The following HRH2 variants were observed in gnomAD, a reference collection of about 807,000 sequenced individuals.
HRH2 encodes histamine H2 receptor.
In HRH2, 4 loss-of-function variants were observed where a neutral mutation model predicts 20.1. The ratio of observed to expected loss-of-function variants is 0.20; its 90% CI spans 0.10 to 0.45. The LOEUF (loss-of-function observed/expected upper bound fraction) is 0.45. HRH2 is among the 20% of genes least tolerant of loss of function. The probability of loss-of-function intolerance (pLI) is 0.99; values close to 1 mark genes in which losing one functional copy is unlikely to be tolerated. For synonymous variants in HRH2, 197 were observed against 200.7 expected, an observed-to-expected ratio of 0.98 and a Z score of 0.16; for missense variants, 250 against 461.6, an observed-to-expected ratio of 0.54 and a Z score of 4.20.
At chr5:175,699,237 G>A (rs1266321062) in intron 2 of HRH2, among the ~76,000 whole-genome samples, 1 of 152,206 alleles carries the variant, frequency 6.6e-6, no homozygotes. Context: ...TTGGTCTCCA[G>A]GTGACTTTCT....
At chr5:175,701,435 C>T (rs2113559286) in intron 2 of HRH2, among the ~76,000 whole-genome samples, 1 of 152,256 alleles carries the variant, frequency 6.6e-6, no homozygotes, top group Non-Finnish European at 1.5e-5. Context: ...GCTCAAATGT[C>T]CTCAGGAATT....
chr5:175,702,191 G>A (rs934756369), intron 2 of HRH2, among the ~76,000 whole-genome samples: 19 of 151,982 alleles, frequency 1.3e-4, no homozygotes, highest in Non-Finnish European at 2.4e-4. Flanking sequence ...AATACAGAAG[G>A]TAGAGATTCC....
In HRH2 at chr5:175,681,671, C is replaced by G. The variant is rs1270677960; in HGVS notation, c.-525-1038C>G. ...CTTTATTGACGTAGTGTTTGCACTACTTCAATAGTGCAAAGGGAGGAAGGG... is the reference window on the plus strand; with the variant it reads ...CTTTATTGACGTAGTGTTTGCACTAGTTCAATAGTGCAAAGGGAGGAAGGG... On this transcript the variant is annotated intron_variant, in intron 1 of 2. Coordinates refer to ENST00000636584, the MANE Select transcript of HRH2 (RefSeq NM_001367711.1). The surrounding 1 kb of genome is among the most constrained non-coding windows in gnomAD (Gnocchi z 4.3). Among the ~76,000 whole-genome samples the G allele has an allele frequency of 6.6e-6, 1 of 152,198 alleles. No individual in the cohort carries two copies. Among genetic ancestry groups the G allele is most frequent in the African/African-American group, 2.4e-5 (1 of 41,450 alleles).
Position 175,708,275 on chromosome 5 carries a change from T to A in HRH2, c.*304T>A. The A allele has an allele frequency of 3.7e-6, 1 of 272,314 alleles. No homozygotes were observed. Among genetic ancestry groups the A allele is most frequent in the Non-Finnish European group, 6.8e-6 (1 of 146,078 alleles). The allele number at this position is 272,314 out of a possible 1,614,324, so 16.9% of individuals were successfully genotyped here. A position where few individuals can be genotyped will look rare whatever the true frequency, so the allele number is the denominator to read the frequency against. On this transcript the variant is annotated 3_prime_UTR_variant, in exon 3 of 3. Transcript: ENST00000636584. ...GCAGAGACGGTGGGACAGACGGGGA[T>A]GCGTGCACATGTGTGTGCATGGGTG...
chr5:175,667,119 A>T (rs1319100335), intron 1 of HRH2, among the ~76,000 whole-genome samples: 5 of 152,086 alleles, frequency 3.3e-5, no homozygotes, highest in Admixed American at 3.3e-4. Flanking sequence ...GTCACTGTAG[A>T]CTTAACTCTC....
intron 1 of HRH2, among the ~76,000 whole-genome samples, chr5:175,678,791 C>T (rs1302840743): frequency 6.6e-6 from 1 of 152,246 alleles, no homozygotes; most frequent in Non-Finnish European, 1.5e-5. Flanking sequence ...AAATTGTTGG[C>T]CGCTTGTGTG....
At position 175,686,449 on chromosome 5, in the gene HRH2, G is replaced by T. The variant is rs991522314; in HGVS notation, c.1076+2140G>T. 6.6e-6 allele frequency among the ~76,000 whole-genome samples: 1 copy of T among 152,208 alleles called. No individual in the cohort carries two copies. Among genetic ancestry groups the T allele is most frequent in the African/African-American group, 2.4e-5 (1 of 41,452 alleles). On this transcript the variant is annotated intron_variant, in intron 2 of 2. Transcript: ENST00000636584. This position sits in a 1 kb window ranked among gnomAD's most constrained non-coding sequence, Gnocchi z 4.7. ...CTGACATTGTTTCTAGGCATTAGTT[G>T]CTCTTCAGGGGCATCCTACTCCCAC...
At position 175,710,227 on chromosome 5, in the gene HRH2, A is replaced by G. The variant is rs145249907; in HGVS notation, c.*2256A>G. 3 of 152,458 alleles carry G rather than the reference A, an allele frequency of 2.0e-5. No individual in the cohort carries two copies. In the East Asian group the frequency reaches 5.8e-4, roughly 29 times the overall value. The allele number at this position is 152,458 out of a possible 1,614,324, so 9.4% of individuals were successfully genotyped here. ...GTTTCTGGTGACCGTTGTCTGTCTA[A>G]CCCCTAGAGGAGAGTTTGTCACATG... is the stretch of plus-strand genomic sequence containing the variant. On this transcript the variant is annotated 3_prime_UTR_variant, in exon 3 of 3. Transcript: ENST00000636584.
intron 2 of HRH2, among the ~76,000 whole-genome samples, chr5:175,692,863 G>A (rs1197481117): frequency 6.6e-6 from 1 of 152,222 alleles, no homozygotes; most frequent in African/African-American, 2.4e-5. Context: ...CAAGGGTGGT[G>A]AGGAACGTGT....
Position 175,677,229 on chromosome 5 carries a change from T to C in HRH2, c.-525-5480T>C, listed in dbSNP as rs1425905900. Among the ~76,000 whole-genome samples, 1 of 152,208 alleles carries C rather than the reference T, an allele frequency of 6.6e-6. No homozygotes were observed. The highest frequency in any genetic ancestry group is 1.5e-5 in the Non-Finnish European group (1 of 68,022). On this transcript the variant is annotated intron_variant, in intron 1 of 2. Coordinates refer to ENST00000636584, the MANE Select transcript of HRH2 (RefSeq NM_001367711.1). The surrounding 1 kb of genome is among the most constrained non-coding windows in gnomAD (Gnocchi z 4.2). ...AGGCTGGTCTCAAATTCCTGGCCAA[T>C]TCTCCCACCTCAGCCTCCCAAAATG...
chr5:175,683,426 C>A lies in HRH2; in HGVS notation c.193C>A (p.Leu65Met), dbSNP rs762196464. 3.1e-6 allele frequency: 5 copies of A among 1,614,254 alleles called. No individual in the cohort carries two copies. Among genetic ancestry groups the A allele is most frequent in the Non-Finnish European group, 4.2e-6 (5 of 1,180,048 alleles). Residue 65 changes from leucine (L) to methionine (M), a missense_variant, in exon 2 of 3, where the codon CTG (leucine) becomes ATG (methionine). This residue lies in a region of HRH2 where 86 missense variants were observed against 176.4 expected (regional missense o/e 0.49). Coordinates refer to ENST00000636584, the MANE Select transcript of HRH2 (RefSeq NM_001367711.1). ...CATCGTGTCCTTGGCTATCACTGAC[C>A]TGCTCCTCGGCCTCCTGGTGCTGCC... ...CFIVSLAITD[L>M]LLGLLVLPFS...
At chr5:175,707,428 T>C (rs1490497210) in intron 2 of HRH2, among the ~76,000 whole-genome samples, 1 of 152,130 alleles carries the variant, frequency 6.6e-6, no homozygotes, top group East Asian at 1.9e-4. Context: ...AGACCCTGTC[T>C]CAAAAACCAC....
chr5:175,705,320 G>T (rs1034748025), intron 2 of HRH2, among the ~76,000 whole-genome samples: 5 of 152,178 alleles, frequency 3.3e-5, no homozygotes, highest in African/African-American at 1.2e-4. Flanking sequence ...CAGTGGAAAA[G>T]GATAGAGAAT....
intron 2 of HRH2, among the ~76,000 whole-genome samples, chr5:175,703,137 T>C (rs1581469004): frequency 6.6e-6 from 1 of 152,172 alleles, no homozygotes; most frequent in East Asian, 1.9e-4. Flanking sequence ...CACTAATAAC[T>C]AGAGAGTACC....
chr5:175,685,180 A>G (rs190067148), intron 2 of HRH2, among the ~76,000 whole-genome samples: 1 of 152,322 alleles, frequency 6.6e-6, no homozygotes, highest in East Asian at 1.9e-4. Context: ...GAAAAGATGT[A>G]TAGAATCAGA....
chr5:175,694,898 G>A (rs1480950183), intron 2 of HRH2, among the ~76,000 whole-genome samples: 1 of 152,132 alleles, frequency 6.6e-6, no homozygotes, highest in African/African-American at 2.4e-5. Flanking sequence ...CACTCCTCAG[G>A]TGGTGCCACC....
At chr5:175,702,284 C>A (rs1388470789) in intron 2 of HRH2, among the ~76,000 whole-genome samples, 1 of 151,500 alleles carries the variant, frequency 6.6e-6, no homozygotes, top group Non-Finnish European at 1.5e-5. Flanking sequence ...AAAAATGGGA[C>A]AAATTTAAAG....
At chr5:175,684,432 C>T in intron 2 of HRH2, 123 bp downstream of exon 2, 1 of 1,388,948 alleles carries the variant, frequency 7.2e-7, no homozygotes. Flanking sequence ...TCTTCATGAG[C>T]ACTTTGTAAA....
At position 175,686,979 on chromosome 5, in the gene HRH2, G is replaced by A. The variant is rs571879760; in HGVS notation, c.1076+2670G>A. On this transcript the variant is annotated intron_variant, in intron 2 of 2. Transcript: ENST00000636584. This position sits in a 1 kb window ranked among gnomAD's most constrained non-coding sequence, Gnocchi z 4.7. ...TCCTCGTGGGCACCCTGGGTGGGAGGCTGTGAAGAAACCAGGGCCAGCAGA... is the reference window on the plus strand; with the variant it reads ...TCCTCGTGGGCACCCTGGGTGGGAGACTGTGAAGAAACCAGGGCCAGCAGA... Among the ~76,000 whole-genome samples the A allele has an allele frequency of 7.2e-5, 11 of 152,324 alleles. No individual in the cohort carries two copies. The South Asian group carries it at 1.2e-3, about 17-fold the overall frequency.
Sources: allele counts gnomAD v4.1 joint callset (sites outside exome capture counted in the v4.1 genomes callset), GRCh38; gene constraint gnomAD v4.1.1; regional missense constraint gnomAD v4.1.1; non-coding constraint Gnocchi (gnomAD v3.1); transcripts MANE v1.5; gene names NCBI Gene and HGNC (gene_info 2026-07-23, HGNC 2026-07-21).